Variants in PDK1 observed in about 807,000 individuals in gnomAD.
The protein encoded by PDK1 is pyruvate dehydrogenase kinase 1.
In PDK1, 39 loss-of-function variants were observed where a neutral mutation model predicts 54.2. The ratio of observed to expected loss-of-function variants is 0.72; its 90% CI spans 0.56 to 0.94. The LOEUF (loss-of-function observed/expected upper bound fraction) is 0.94, where lower values mean the gene tolerates loss of function less well. Ranked by LOEUF, PDK1 falls within the 40% of genes least tolerant of loss-of-function variation. The pLI is 0.00. For synonymous variants in PDK1, 221 were observed against 207.1 expected (o/e 1.07, Z -0.58); for missense variants, 552 against 566.0 (o/e 0.98, Z 0.25).
chr2:172,635,363 T>C, the PDK1 span, among the ~76,000 whole-genome samples: 1 of 152,228 alleles, frequency 6.6e-6, no homozygotes, highest in Non-Finnish European at 1.5e-5. Context: ...TTGCCCAGGC[T>C]GGAGCGCAAT....
the PDK1 span, among the ~76,000 whole-genome samples, chr2:172,688,731 A>C: frequency 5.3e-5 from 8 of 152,316 alleles, no homozygotes; most frequent in East Asian, 1.5e-3. Flanking sequence ...CACTCCCCCT[A>C]GCACCTGTAC....
chr2:172,686,850 CCTAT>C, the PDK1 span, among the ~76,000 whole-genome samples: 1 of 152,172 alleles, frequency 6.6e-6, no homozygotes, highest in Non-Finnish European at 1.5e-5. Flanking sequence ...TATATATCTA[CCTAT>C]CTGCTATCTA....
chr2:172,641,468 G>C, the PDK1 span, among the ~76,000 whole-genome samples: 1 of 142,722 alleles, frequency 7.0e-6, no homozygotes, highest in Non-Finnish European at 1.5e-5. Context: ...TTGAGACGGA[G>C]TCTTGCACTG....
Position 172,564,644 on chromosome 2 carries a change from C to T in PDK1, c.552C>T (p.Phe184=), listed in dbSNP as rs762994588. 4 of 1,614,030 alleles carry T rather than the reference C, an allele frequency of 2.5e-6. No homozygotes were observed. Among genetic ancestry groups the T allele is most frequent in the Admixed American group, 3.3e-5 (2 of 60,004 alleles). The change falls in exon 4 of 11, where the codon TTC becomes TTT. Residue 184 remains phenylalanine, a synonymous_variant. Coordinates refer to ENST00000282077, the MANE Select transcript of PDK1 (RefSeq NM_002610.5). ...SQNVQYFLDR[F]YMSRISIRML... ...ATGTTCAGTACTTTTTGGATCGATTCTACATGAGTCGCATTTCAATTAGAA... is the reference window on the plus strand; with the variant it reads ...ATGTTCAGTACTTTTTGGATCGATTTTACATGAGTCGCATTTCAATTAGAA...
chr2:172,570,621 A>G lies in PDK1; in HGVS notation c.847-105A>G, dbSNP rs925399435. The G allele has an allele frequency of 7.2e-6, 4 of 557,946 alleles. No individual in the cohort carries two copies. The East Asian group carries it at 9.3e-5, about 13-fold the overall frequency. The allele number at this position is 557,946 out of a possible 1,614,324, so 34.6% of individuals were successfully genotyped here. On this transcript the variant is annotated intron_variant, in intron 7 of 10. Transcript: ENST00000282077. ...TATAAGAATTGTGATTCTTTGGCAT[A>G]TTTCCATCAAATTTTAAAACTTCAA...
chr2:172,719,651 T>TGTTTCCAATATATGTTTATTTCCA, the PDK1 span, among the ~76,000 whole-genome samples: 4 of 152,180 alleles, frequency 2.6e-5, no homozygotes, highest in African/African-American at 9.7e-5. Flanking sequence ...TTCCAATATA[T>TGTTTCCAATATATGTTTATTTCCA]GTTTCCAATA....
chr2:172,681,328 T>C, the PDK1 span, among the ~76,000 whole-genome samples: 5 of 130,710 alleles, frequency 3.8e-5, no homozygotes, highest in Admixed American at 3.1e-4. Context: ...ATGCACATTA[T>C]GGAGCTTTAT....
At chr2:172,638,972 A>G in the PDK1 span, among the ~76,000 whole-genome samples, 2 of 152,232 alleles carry the variant, frequency 1.3e-5, no homozygotes, top group African/African-American at 4.8e-5. Context: ...AAACGTCACG[A>G]CAAGGTGAGA....
the PDK1 span, among the ~76,000 whole-genome samples, chr2:172,694,129 T>G: frequency 1.3e-5 from 2 of 152,316 alleles, no homozygotes; most frequent in South Asian, 4.1e-4. Context: ...CTCTTTCTCT[T>G]TCCTCACCCT....
Position 172,600,562 on chromosome 2 carries a change from C to T in PDK1, c.*4593C>T, listed in dbSNP as rs934283303. The T allele has an allele frequency of 5.3e-5, 8 of 152,118 alleles. No homozygotes were observed. The highest frequency in any genetic ancestry group is 1.3e-4 in the Admixed American group (2 of 15,274). The allele number at this position is 152,118 out of a possible 1,614,324, so 9.4% of individuals were successfully genotyped here. On this transcript the variant is annotated 3_prime_UTR_variant, in exon 11 of 11. Coordinates refer to ENST00000282077, the MANE Select transcript of PDK1 (RefSeq NM_002610.5). ...GTCTCATGGCCAAGGAGATCGAGGT[C>T]GCAGACACACACAGTTTGGAGCAGG...
At chr2:172,633,867 A>AT in the PDK1 span, among the ~76,000 whole-genome samples, 41,322 of 68,204 alleles carry the variant, frequency 0.61, 17,650 homozygotes, top group Non-Finnish European at 0.67. Context: ...TTAGTCTATG[A>AT]TTTTTTTTTT....
the PDK1 span, among the ~76,000 whole-genome samples, chr2:172,619,263 C>T: frequency 0.038 from 5,780 of 152,260 alleles, 165 homozygotes; most frequent in South Asian, 0.15. Flanking sequence ...AGAAAACCCT[C>T]AAGCCTTGCC....
chr2:172,680,344 CTTTCT>C, the PDK1 span, among the ~76,000 whole-genome samples: 6 of 152,036 alleles, frequency 3.9e-5, no homozygotes, highest in East Asian at 1.2e-3. Context: ...TCCTTTCTTT[CTTTCT>C]TTTCTTTTCT....
chr2:172,573,929 A>G (rs1286364836), intron 8 of PDK1, among the ~76,000 whole-genome samples: 1 of 152,126 alleles, frequency 6.6e-6, no homozygotes, highest in East Asian at 1.9e-4. Context: ...ACACCCAGCC[A>G]AAGTTTTTAG....
At chr2:172,709,309 C>T in the PDK1 span, among the ~76,000 whole-genome samples, 2 of 152,150 alleles carry the variant, frequency 1.3e-5, no homozygotes, top group Non-Finnish European at 2.9e-5. Context: ...ATTTCAAAAA[C>T]TCAAACATCT....
chr2:172,588,266 G>A (rs1690372437), intron 9 of PDK1, among the ~76,000 whole-genome samples: 2 of 152,188 alleles, frequency 1.3e-5, no homozygotes, highest in Admixed American at 1.3e-4. Flanking sequence ...TGTTTTTGTA[G>A]TAAACGAATA....
intron 8 of PDK1, among the ~76,000 whole-genome samples, chr2:172,575,465 T>C (rs1206497639): frequency 6.6e-6 from 1 of 152,222 alleles, no homozygotes; most frequent in Non-Finnish European, 1.5e-5. Context: ...GTGGAAAGAC[T>C]TTTGATTACT....
chr2:172,678,076 A>G, the PDK1 span, among the ~76,000 whole-genome samples: 8 of 152,174 alleles, frequency 5.3e-5, no homozygotes, highest in Non-Finnish European at 8.8e-5. Context: ...AGGCTGAGTC[A>G]GGAGAATCCC....
chr2:172,664,260 G>A, the PDK1 span, among the ~76,000 whole-genome samples: 1 of 127,772 alleles, frequency 7.8e-6, no homozygotes, highest in African/African-American at 3.0e-5. Context: ...GCAAAGAGCC[G>A]AGATCGTGCC....
Sources: gnomAD v4.1 joint callset for allele counts (sites outside exome capture counted in the v4.1 genomes callset) on GRCh38, gnomAD v4.1.1 for gene constraint, MANE v1.5 for transcripts, NCBI Gene and HGNC (gene_info 2026-07-23, HGNC 2026-07-21) for gene names.